The following ERC2 variants were observed in gnomAD, a reference collection of about 807,000 sequenced individuals.
ERC2 encodes ERC protein 2.
ERC2 carries 42 observed loss-of-function variants against 114.8 expected under a neutral mutation model. That is an observed-to-expected ratio of 0.37 (90% CI 0.29 to 0.47). The LOEUF is 0.47. Among genes scored for constraint, ERC2 ranks in the 20% least tolerant of loss-of-function variants. The pLI is 0.99. For synonymous variants in ERC2, 454 were observed against 425.5 expected, an observed-to-expected ratio of 1.07 and a Z score of -0.82; for missense variants, 939 against 1,150.7, an observed-to-expected ratio of 0.82 and a Z score of 2.66.
At chr3:56,319,410 G>T (rs192381783) in intron 2 of ERC2, among the ~76,000 whole-genome samples, 1 of 152,092 alleles carries the variant, frequency 6.6e-6, no homozygotes, top group East Asian at 1.9e-4. Context: ...CAAACATTAC[G>T]TGATTCCACT....
intron 17 of ERC2, among the ~76,000 whole-genome samples, chr3:55,562,939 C>T (rs1350844879): frequency 6.6e-6 from 1 of 152,142 alleles, no homozygotes; most frequent in Admixed American, 6.5e-5. Flanking sequence ...AATAAGCCAT[C>T]CACTGTAGTC....
At chr3:55,524,229 G>T (rs1433603278) in intron 17 of ERC2, among the ~76,000 whole-genome samples, 3 of 152,172 alleles carry the variant, frequency 2.0e-5, no homozygotes, top group Admixed American at 6.6e-5. Flanking sequence ...GCTTGATCCT[G>T]AGTGCAGAAA....
At chr3:55,512,837 A>G (rs568408133) in intron 17 of ERC2, among the ~76,000 whole-genome samples, 4 of 152,352 alleles carry the variant, frequency 2.6e-5, no homozygotes, top group East Asian at 1.9e-4. Context: ...CATTCTTTCA[A>G]TCGAACAATC....
chr3:56,442,868 C>T (rs568177295), intron 1 of ERC2, among the ~76,000 whole-genome samples: 11 of 152,166 alleles, frequency 7.2e-5, no homozygotes, highest in South Asian at 2.1e-4. Context: ...TTGAGACAGA[C>T]GCAGGTTCTG....
intron 2 of ERC2, among the ~76,000 whole-genome samples, chr3:56,427,299 G>A (rs1225229560): frequency 6.6e-6 from 1 of 152,098 alleles, no homozygotes; most frequent in African/African-American, 2.4e-5. Flanking sequence ...TTGATTGGTT[G>A]GTTGGTTTTG....
At chr3:55,996,603 A>G (rs2149534851) in intron 10 of ERC2, among the ~76,000 whole-genome samples, 1 of 152,186 alleles carries the variant, frequency 6.6e-6, no homozygotes, top group East Asian at 1.9e-4. Flanking sequence ...GTTTTGAGGG[A>G]CTCCCAATTA....
intron 2 of ERC2, among the ~76,000 whole-genome samples, chr3:56,298,709 T>G (rs11716710): frequency 0.36 from 50,270 of 138,964 alleles, 8,735 homozygotes; most frequent in African/African-American, 0.38. Flanking sequence ...GGGTGTGGAG[T>G]AAATGGGGGG....
chr3:56,452,580 T>C (rs1196542751), intron 1 of ERC2, among the ~76,000 whole-genome samples: 2 of 152,356 alleles, frequency 1.3e-5, no homozygotes, highest in Admixed American at 1.3e-4. Context: ...ATTTAAAGTA[T>C]CATTACATAA....
chr3:55,795,409 C>T (rs1161064237), intron 14 of ERC2, among the ~76,000 whole-genome samples: 1 of 152,200 alleles, frequency 6.6e-6, no homozygotes, highest in African/African-American at 2.4e-5. Context: ...ACTTTCCCTT[C>T]ACCGTCATAA....
intron 7 of ERC2, among the ~76,000 whole-genome samples, chr3:56,078,315 A>G (rs1180539042): frequency 6.6e-6 from 1 of 152,088 alleles, no homozygotes; most frequent in Admixed American, 6.6e-5. Flanking sequence ...TCTACTTTTA[A>G]CTCTTTGGTA....
intron 6 of ERC2, among the ~76,000 whole-genome samples, chr3:56,083,725 A>C (rs552753897): frequency 2.1e-4 from 32 of 152,128 alleles, no homozygotes; most frequent in Non-Finnish European, 4.7e-4. Context: ...TAAGGTTCCC[A>C]TGGGTGATGA....
rs771383970 is a variant in ERC2 at position 56,434,738 on chromosome 3, T to A, written c.270A>T (p.Val90=). The A allele has an allele frequency of 6.2e-7, 1 of 1,614,012 alleles. No individual in the cohort carries two copies. Among genetic ancestry groups the A allele is most frequent in the South Asian group, 1.1e-5 (1 of 91,080 alleles). ...MTLGRATNRA[V]YGGRVTAMGS... is the part of the protein sequence containing the mutation. ...CCATGGCTGTGACACGGCCTCCATA[T>A]ACAGCTCGATTTGTAGCCCTTCCCA... is the stretch of plus-strand genomic sequence containing the variant. Residue 90 remains valine (V), a synonymous_variant, in exon 2 of 18, where the codon GTA becomes GTT. Coordinates refer to ENST00000288221, the MANE Select transcript of ERC2 (RefSeq NM_015576.3).
At chr3:56,332,302 T>C (rs907826166) in intron 2 of ERC2, among the ~76,000 whole-genome samples, 7 of 152,186 alleles carry the variant, frequency 4.6e-5, no homozygotes, top group African/African-American at 1.7e-4. Context: ...GCTCATACAA[T>C]CTCAGAGTCA....
intron 8 of ERC2, among the ~76,000 whole-genome samples, chr3:56,014,735 T>G (rs2073190327): frequency 6.6e-6 from 1 of 152,186 alleles, no homozygotes; most frequent in Non-Finnish European, 1.5e-5. Flanking sequence ...CATGAAAAAT[T>G]ATATGGTATA....
chr3:55,872,325 G>A (rs995303732), intron 14 of ERC2, among the ~76,000 whole-genome samples: 5 of 151,984 alleles, frequency 3.3e-5, no homozygotes, highest in African/African-American at 9.7e-5. Context: ...CCACATATCC[G>A]CATGGATGCC....
intron 13 of ERC2, among the ~76,000 whole-genome samples, chr3:55,905,982 A>G (rs966844437): frequency 6.6e-6 from 1 of 152,042 alleles, no homozygotes; most frequent in Non-Finnish European, 1.5e-5. Context: ...ATTTTAAATG[A>G]CTTTACTTAA....
chr3:55,840,669 G>A (rs1379868500), intron 14 of ERC2, among the ~76,000 whole-genome samples: 1 of 152,008 alleles, frequency 6.6e-6, no homozygotes, highest in Non-Finnish European at 1.5e-5. Flanking sequence ...GCATAAAAAG[G>A]CTTATAGAGG....
intron 2 of ERC2, among the ~76,000 whole-genome samples, chr3:56,332,482 A>C (rs1292390826): frequency 6.6e-6 from 1 of 152,144 alleles, no homozygotes; most frequent in East Asian, 1.9e-4. Context: ...ACGCCCAACA[A>C]CACCCAGCAG....
chr3:55,559,487 A>G (rs768891859), intron 17 of ERC2, among the ~76,000 whole-genome samples: 31 of 152,230 alleles, frequency 2.0e-4, no homozygotes, highest in Non-Finnish European at 8.8e-5. Context: ...TTAGCAACTA[A>G]GTTGTTGGTT....
Sources: allele counts gnomAD v4.1 joint callset (sites outside exome capture counted in the v4.1 genomes callset), GRCh38; gene constraint gnomAD v4.1.1; transcripts MANE v1.5; gene names NCBI Gene and HGNC (gene_info 2026-07-23, HGNC 2026-07-21).